Variants in HSD17B11 observed in about 807,000 individuals in gnomAD.
HSD17B11 encodes hydroxysteroid 17-beta dehydrogenase 11, also known as estradiol 17-beta-dehydrogenase 11.
In HSD17B11, 22 loss-of-function variants were observed where a neutral mutation model predicts 27.8. The ratio of observed to expected loss-of-function variants is 0.79; its 90% CI spans 0.56 to 1.13. The LOEUF is 1.13. Ranked by LOEUF, HSD17B11 falls within the 50% of genes most tolerant of loss-of-function variation. HSD17B11 has a pLI of 0.00. For missense variants in HSD17B11, 314 were observed against 351.1 expected, an observed-to-expected ratio of 0.89 and a Z score of 0.84; for synonymous variants, 117 against 132.8, an observed-to-expected ratio of 0.88 and a Z score of 0.82.
At chr4:87,364,664 A>G (rs1288612534) in intron 4 of HSD17B11, among the ~76,000 whole-genome samples, 1 of 152,220 alleles carries the variant, frequency 6.6e-6, no homozygotes, top group African/African-American at 2.4e-5. Context: ...CTTGCAATGA[A>G]ATGCACAGTC....
intron 4 of HSD17B11, among the ~76,000 whole-genome samples, chr4:87,361,904 C>T (rs943045955): frequency 3.9e-5 from 6 of 152,174 alleles, no homozygotes; most frequent in African/African-American, 1.2e-4. Context: ...CACGAAGGGA[C>T]TAAAGTGCAG....
intron 3 of HSD17B11, 75 bp downstream of exon 3, chr4:87,374,624 T>C: frequency 7.2e-7 from 1 of 1,391,218 alleles, no homozygotes. Flanking sequence ...AATACTTCCT[T>C]ATGTCTGCTA....
intron 4 of HSD17B11, among the ~76,000 whole-genome samples, chr4:87,363,929 A>T (rs1735570107): frequency 6.6e-6 from 1 of 152,222 alleles, no homozygotes; most frequent in South Asian, 2.1e-4. Context: ...AAAGTTCAGA[A>T]GCTGGAAATA....
At chr4:87,339,131 A>C (rs1005234203) in intron 6 of HSD17B11, among the ~76,000 whole-genome samples, 1 of 152,206 alleles carries the variant, frequency 6.6e-6, no homozygotes, top group African/African-American at 2.4e-5. Context: ...GATGAAAACT[A>C]GGCAAAATTC....
chr4:87,372,293 C>G (rs1578042682), intron 4 of HSD17B11, among the ~76,000 whole-genome samples: 1 of 150,072 alleles, frequency 6.7e-6, no homozygotes, highest in African/African-American at 2.4e-5. Flanking sequence ...AATATTCTCT[C>G]TCTCTCACTC....
At chr4:87,358,399 AT>A (rs1735433172) in intron 4 of HSD17B11, among the ~76,000 whole-genome samples, 2 of 152,346 alleles carry the variant, frequency 1.3e-5, no homozygotes, top group South Asian at 4.1e-4. Flanking sequence ...AAATGAATGA[AT>A]CACAATGCAA....
intron 4 of HSD17B11, among the ~76,000 whole-genome samples, chr4:87,366,637 C>G (rs1012917884): frequency 1.3e-5 from 2 of 152,080 alleles, no homozygotes; most frequent in Non-Finnish European, 2.9e-5. Flanking sequence ...TTGTATGCCA[C>G]AAAAGTAACC....
chr4:87,388,419 A>T (rs544733029), intron 1 of HSD17B11, among the ~76,000 whole-genome samples: 1 of 152,258 alleles, frequency 6.6e-6, no homozygotes, highest in Admixed American at 6.5e-5. Flanking sequence ...CACAGAGTAG[A>T]TCTAGACCTT....
rs1261900953 is a variant in HSD17B11 at position 87,354,651 on chromosome 4, T to TA, written c.695+2627dup. Among the ~76,000 whole-genome samples, 634 of 138,854 alleles carry TA rather than the reference T, an allele frequency of 4.6e-3. 12 individuals are homozygous for TA. The highest frequency in any genetic ancestry group is 0.018 in the African/African-American group (610 of 33,436). The allele number at this position is 138,854 out of a possible 152,430, so 91.1% of individuals were successfully genotyped here. ...GAGCGAATCCTTGTCTCAAAAAAAA[T>TA]AAAAAAAATAAAAAAAGGAAAAAAA... On this transcript the variant is annotated intron_variant, in intron 5 of 6. Transcript: ENST00000358290.
At chr4:87,379,499 T>TATATATACATATATAATATGTAC in intron 2 of HSD17B11, among the ~76,000 whole-genome samples, 1 of 146,840 alleles carries the variant, frequency 6.8e-6, no homozygotes, top group Non-Finnish European at 1.5e-5. Flanking sequence ...TAATATATAT[T>TATATATACATATATAATATGTAC]ATATATACAT....
At chr4:87,355,884 A>G (rs949328819) in intron 5 of HSD17B11, among the ~76,000 whole-genome samples, 2 of 96,704 alleles carry the variant, frequency 2.1e-5, no homozygotes, top group Non-Finnish European at 2.9e-5. Context: ...AGCCTGGGCA[A>G]CAGAGTGAAA....
chr4:87,341,444 T>C (rs1055219022), intron 5 of HSD17B11, among the ~76,000 whole-genome samples: 6 of 152,148 alleles, frequency 3.9e-5, no homozygotes, highest in Non-Finnish European at 8.8e-5. Flanking sequence ...AGTGCCGGGA[T>C]TGCAGGCAGG....
intron 5 of HSD17B11, among the ~76,000 whole-genome samples, chr4:87,354,542 G>A (rs1735344645): frequency 6.6e-6 from 1 of 151,708 alleles, no homozygotes; most frequent in Admixed American, 6.6e-5. Flanking sequence ...GACTGGGGAG[G>A]CTGATGTGGG....
rs1218298939 is a variant in HSD17B11, at chr4:87,380,354, T to C, written c.318+1901A>G. 2.8e-5 allele frequency among the ~76,000 whole-genome samples: 4 copies of C among 143,334 alleles called. No individual in the cohort carries two copies. The East Asian group carries it at 8.5e-4, about 30-fold the overall frequency. The allele number at this position is 143,334 out of a possible 152,430, so 94.0% of individuals were successfully genotyped here. ...CATGCGTGGTGGCGGGCATCTGTAATCCCAGCTACTCGAGAGGCTGAGGCA... is the reference window on the plus strand; with the variant it reads ...CATGCGTGGTGGCGGGCATCTGTAACCCCAGCTACTCGAGAGGCTGAGGCA... On this transcript the variant is annotated intron_variant, in intron 2 of 6. Coordinates refer to ENST00000358290, the MANE Select transcript of HSD17B11 (RefSeq NM_016245.5).
At chr4:87,371,790 C>T (rs1735719895) in intron 4 of HSD17B11, among the ~76,000 whole-genome samples, 1 of 152,164 alleles carries the variant, frequency 6.6e-6, no homozygotes, top group Non-Finnish European at 1.5e-5. Context: ...GGATCACAGA[C>T]TGTAGTAGTT....
intron 6 of HSD17B11, among the ~76,000 whole-genome samples, chr4:87,338,973 C>T (rs1296538818): frequency 6.6e-6 from 1 of 152,188 alleles, no homozygotes; most frequent in Admixed American, 6.5e-5. Context: ...GCAAGCAAGT[C>T]ACACAAACAC....
chr4:87,378,960 A>AT lies in HSD17B11; in HGVS notation c.318+3294dup, dbSNP rs781211835. Among the ~76,000 whole-genome samples the AT allele has an allele frequency of 1.1e-3, 28 of 25,610 alleles. 2 individuals carry two copies. Among genetic ancestry groups the AT allele is most frequent in the East Asian group, 7.2e-3 (14 of 1,934 alleles). The allele number at this position is 25,610 out of a possible 152,430, so 16.8% of individuals were successfully genotyped here. On this transcript the variant is annotated intron_variant, in intron 2 of 6. Coordinates refer to ENST00000358290, the MANE Select transcript of HSD17B11 (RefSeq NM_016245.5). ...TATATATATATATTTATATATATAT[A>AT]TTTTTTTTTTTTTTTGAGATGGTGT...
At chr4:87,390,233 G>A (rs993168193) in intron 1 of HSD17B11, among the ~76,000 whole-genome samples, 5 of 152,190 alleles carry the variant, frequency 3.3e-5, no homozygotes, top group African/African-American at 1.2e-4. Flanking sequence ...TTGGCTCACT[G>A]CAACCTCCGC....
rs573680570 is a variant in HSD17B11, at chr4:87,343,673, A to G, written c.696-3067T>C. 3.1e-3 allele frequency among the ~76,000 whole-genome samples: 470 copies of G among 150,264 alleles called. 2 individuals carry two copies. The highest frequency in any genetic ancestry group is 0.011 in the African/African-American group (433 of 40,826). On this transcript the variant is annotated intron_variant, in intron 5 of 6. Transcript: ENST00000358290. ...AGCAATTCTCCTGCTTCAGCCTCCC[A>G]AGTAGCTGGGATTACAGGCATGTGC...
Sources: gnomAD v4.1 joint callset for allele counts (sites outside exome capture counted in the v4.1 genomes callset) on GRCh38, gnomAD v4.1.1 for gene constraint, MANE v1.5 for transcripts, NCBI Gene and HGNC (gene_info 2026-07-23, HGNC 2026-07-21) for gene names.